The following SUGP1 variants were observed in gnomAD, a reference collection of about 807,000 sequenced individuals.
SUGP1 encodes SURP and G-patch domain-containing protein 1.
In SUGP1, 34 loss-of-function variants were observed where a neutral mutation model predicts 76.5. That is an observed-to-expected ratio of 0.44 (90% CI 0.34 to 0.59). The LOEUF (loss-of-function observed/expected upper bound fraction) is 0.59, where lower values mean the gene tolerates loss of function less well. Among genes scored for constraint, SUGP1 ranks in the 20% least tolerant of loss-of-function variants. SUGP1 has a pLI of 0.01. For missense variants in SUGP1, 752 were observed against 851.7 expected (o/e 0.88, Z 1.46); for synonymous variants, 326 against 326.2 (o/e 1.00, Z 0.01).
At chr19:19,290,342 A>G (rs917158439) in intron 8 of SUGP1, among the ~76,000 whole-genome samples, 9 of 152,162 alleles carry the variant, frequency 5.9e-5, no homozygotes, top group African/African-American at 1.9e-4. Flanking sequence ...TTAGATAATC[A>G]ATGTACAAAC....
chr19:19,292,771 T>C (rs943251411), intron 8 of SUGP1, among the ~76,000 whole-genome samples: 3 of 152,144 alleles, frequency 2.0e-5, no homozygotes, highest in East Asian at 3.8e-4. Flanking sequence ...CAGCAGCTTA[T>C]GAAAGGATTA....
intron 5 of SUGP1, 68 bp from the exon 6 acceptor site, chr19:19,303,516 T>G: frequency 1.3e-6 from 2 of 1,482,374 alleles, no homozygotes; most frequent in Non-Finnish European, 1.9e-6. Context: ...TCCCTGCAGC[T>G]TCTATCGTGC....
At chr19:19,276,855 C>A in intron 13 of SUGP1, 92 bp downstream of exon 13, 1 of 1,576,710 alleles carries the variant, frequency 6.3e-7, no homozygotes, top group Admixed American at 1.7e-5. Context: ...GAGACCCAGC[C>A]TGGCTGGACT....
chr19:19,278,132 A>G (rs750199032), intron 11 of SUGP1, among the ~76,000 whole-genome samples: 12 of 152,194 alleles, frequency 7.9e-5, no homozygotes, highest in Non-Finnish European at 1.3e-4. Context: ...CACAGGCCTT[A>G]TCCACCTGAG....
Position 19,316,581 on chromosome 19 carries a change from C to T in SUGP1, c.47G>A (p.Arg16Gln), listed in dbSNP as rs545260401. The T allele has an allele frequency of 1.1e-5, 18 of 1,613,936 alleles. No homozygotes were observed. Among genetic ancestry groups the T allele is most frequent in the Middle Eastern group, 1.6e-4 (1 of 6,062 alleles). The change falls in exon 2 of 14, where the codon CGG becomes CAG. Residue 16 changes from arginine (R) to glutamine (Q), a missense_variant. This residue lies in a region of SUGP1 where 620 missense variants were observed against 617.3 expected (regional missense o/e 1.00). Transcript: ENST00000247001. ...TTTAGGGGGAGCAACCCCAAACCAC[C>T]GGTTAGCCTTTCCTGGGGAGGGAAA... ...DNRDVAGKAN[R>Q]WFGVAPPKSG...
chr19:19,299,885 G>A (rs868051819), intron 7 of SUGP1, among the ~76,000 whole-genome samples: 7 of 152,026 alleles, frequency 4.6e-5, no homozygotes, highest in Middle Eastern at 3.4e-3. Flanking sequence ...TCCGCCTGCC[G>A]GGTTCAAGCC....
intron 1 of SUGP1, among the ~76,000 whole-genome samples, chr19:19,319,705 T>TTAAA (rs1407463848): frequency 2.5e-5 from 1 of 40,008 alleles, no homozygotes; most frequent in African/African-American, 1.0e-4. Context: ...AGACCCTGTC[T>TTAAA]CAAAAAAAAA....
Position 19,276,637 on chromosome 19 carries a change from T to G in SUGP1, c.*11A>C. 6.2e-7 allele frequency: 1 copy of G among 1,614,096 alleles called. No homozygotes were observed. The highest frequency in any genetic ancestry group is 8.5e-7 in the Non-Finnish European group (1 of 1,180,004). ...GGTTGGTCATTCAGAAAGTATGTAT[T>G]TCCAGAACACTCAGTAGTAAGGCCG... is the stretch of plus-strand genomic sequence containing the variant. On this transcript the variant is annotated 3_prime_UTR_variant, in exon 14 of 14. Transcript: ENST00000247001.
At position 19,276,475 on chromosome 19, in the gene SUGP1, TAACAGGAGGGGCTTCCTGCA is replaced by T; in HGVS notation, c.*153_*172del. 1.4e-6 allele frequency: 1 copy of T among 729,654 alleles called. No individual in the cohort carries two copies. The highest frequency in any genetic ancestry group is 2.3e-6 in the Non-Finnish European group (1 of 431,554). 45.2% of individuals were successfully genotyped at this position (729,654 alleles called of 1,614,324 possible). A position where few individuals can be genotyped will look rare whatever the true frequency, so the allele number is the denominator to read the frequency against. ...GAGACAGCATCTTGCATCCCGCTGCTAACAGGAGGGGCTTCCTGCAACAGGACCAGGCATCTGTGGTGGAT... is the reference window on the plus strand; with the variant it reads ...GAGACAGCATCTTGCATCCCGCTGCTACAGGACCAGGCATCTGTGGTGGAT... On this transcript the variant is annotated 3_prime_UTR_variant, in exon 14 of 14. Coordinates refer to ENST00000247001, the MANE Select transcript of SUGP1 (RefSeq NM_172231.4).
In SUGP1 at chr19:19,292,241, C is replaced by T. The variant is rs530736354; in HGVS notation, c.1243+4748G>A. 1.9e-4 allele frequency among the ~76,000 whole-genome samples: 29 copies of T among 149,130 alleles called. No homozygotes were observed. In the South Asian group the frequency reaches 6.0e-3, roughly 31 times the overall value. ...GGAGCCGAGATTGCACGACTGCACTCCAGCCAGGGTGACAGAGTGAGACTC... is the reference window on the plus strand; with the variant it reads ...GGAGCCGAGATTGCACGACTGCACTTCAGCCAGGGTGACAGAGTGAGACTC... On this transcript the variant is annotated intron_variant, in intron 8 of 13. Coordinates refer to ENST00000247001, the MANE Select transcript of SUGP1 (RefSeq NM_172231.4).
intron 2 of SUGP1, among the ~76,000 whole-genome samples, chr19:19,315,942 G>A (rs10423747): frequency 0.034 from 5,135 of 151,680 alleles, 308 homozygotes; most frequent in African/African-American, 0.12. Context: ...AGAGATTCTC[G>A]TGCCTCAGCC....
intron 9 of SUGP1, among the ~76,000 whole-genome samples, chr19:19,279,659 G>A (rs1258867948): frequency 6.6e-6 from 1 of 152,180 alleles, no homozygotes; most frequent in Non-Finnish European, 1.5e-5. Flanking sequence ...GATGTGACGG[G>A]GCTGCGGGCC....
chr19:19,286,362 G>A (rs957920228), intron 8 of SUGP1, among the ~76,000 whole-genome samples: 1 of 152,172 alleles, frequency 6.6e-6, no homozygotes, highest in Admixed American at 6.5e-5. Flanking sequence ...AGCTACGGAA[G>A]AGAACCTCAG....
Position 19,280,193 on chromosome 19 carries a change from G to C in SUGP1, c.1342C>G (p.Gln448Glu), listed in dbSNP as rs1475461688. 6.2e-7 allele frequency: 1 copy of C among 1,613,664 alleles called. No homozygotes were observed. Among genetic ancestry groups the C allele is most frequent in the Non-Finnish European group, 8.5e-7 (1 of 1,179,922 alleles). ...SDAQKKQLKEQQEMQQMYDMI... is the reference protein window; with the variant it reads ...SDAQKKQLKEEQEMQQMYDMI... ...TGTCCCCGCAGTCTTACCTCCTGCT[G>C]CTCCTTCAGCTGCTTCTTCTGGGCG... Residue 448 changes from glutamine (Q) to glutamate (E), a missense_variant, in exon 9 of 14, where the codon CAG (glutamine) becomes GAG (glutamate). Gln to Glu is a conservative substitution (Grantham distance 29). Coordinates refer to ENST00000247001, the MANE Select transcript of SUGP1 (RefSeq NM_172231.4).
At chr19:19,277,129 G>A in intron 12 of SUGP1, 53 bp from the exon 13 acceptor site, 1 of 1,568,014 alleles carries the variant, frequency 6.4e-7, no homozygotes, top group Non-Finnish European at 8.6e-7. Context: ...CTCTGGCCGG[G>A]GGGCCGGGCA....
chr19:19,307,517 C>A (rs1599867091), intron 3 of SUGP1, among the ~76,000 whole-genome samples: 2 of 152,256 alleles, frequency 1.3e-5, no homozygotes, highest in South Asian at 4.1e-4. Flanking sequence ...ATGTCGTCAT[C>A]TGCATAAAGG....
rs141578579 is a variant in SUGP1, at chr19:19,316,423, C to T, written c.205G>A (p.Glu69Lys). The T allele has an allele frequency of 4.0e-5, 65 of 1,613,768 alleles. No homozygotes were observed. The African/African-American group carries it at 6.9e-4, about 17-fold the overall frequency. ...ATCCAGGCCCCAGCAGGCACTTACT[C>T]GCCAGGATGTGGGGGCTGAGGGCTG... ...VASPQPPHPG[E>K]ITNAHNSSCI... The change falls in exon 2 of 14, where the codon GAA becomes AAA. Residue 69 changes from glutamate to lysine, a missense_variant and splice_region_variant. By Grantham distance (56) the Glu-to-Lys change is moderately conservative. This residue lies in a region of SUGP1 where 620 missense variants were observed against 617.3 expected (regional missense o/e 1.00). Transcript: ENST00000247001.
At chr19:19,314,826 G>A (rs2061380641) in intron 2 of SUGP1, among the ~76,000 whole-genome samples, 1 of 152,166 alleles carries the variant, frequency 6.6e-6, no homozygotes, top group South Asian at 2.1e-4. Context: ...CCTGAGGTCA[G>A]GAGTTTGAGA....
At chr19:19,291,889 T>TCACTCACACACA (rs1555788750) in intron 8 of SUGP1, among the ~76,000 whole-genome samples, 4 of 128,636 alleles carry the variant, frequency 3.1e-5, no homozygotes, top group African/African-American at 1.2e-4. Context: ...TGAGACTCTG[T>TCACTCACACACA]CACACACACA....
Sources: gnomAD v4.1 joint callset for allele counts (sites outside exome capture counted in the v4.1 genomes callset) on GRCh38, gnomAD v4.1.1 for gene constraint, gnomAD v4.1.1 regional missense constraint, MANE v1.5 for transcripts, NCBI Gene and HGNC (gene_info 2026-07-23, HGNC 2026-07-21) for gene names.